LGALS3: variants seen among roughly 807,000 people sequenced by gnomAD.
LGALS3 encodes the protein galectin-3.
In LGALS3, 18 loss-of-function variants were observed where a neutral mutation model predicts 20.7. The observed-to-expected ratio is 0.87, with a 90% CI of 0.60 to 1.29. LGALS3 has a LOEUF of 1.29. LGALS3 is among the 50% of genes most tolerant of loss of function. LGALS3 has a pLI of 0.00. For synonymous variants in LGALS3, 112 were observed against 119.6 expected (o/e 0.94, Z 0.42); for missense variants, 315 against 314.7 (o/e 1.00, Z -0.01).
intron 3 of LGALS3, 166 bp downstream of exon 3, chr14:55,138,534 G>A (rs1325995002): frequency 5.1e-6 from 4 of 791,822 alleles, no homozygotes; most frequent in Non-Finnish European, 9.0e-6. Context: ...TGTGTGGTTA[G>A]TATAAACAGA....
At chr14:55,130,026 G>A (rs1285785042) in intron 1 of LGALS3, among the ~76,000 whole-genome samples, 1 of 152,204 alleles carries the variant, frequency 6.6e-6, no homozygotes, top group African/African-American at 2.4e-5. Context: ...TGGCCTGAGT[G>A]GGCATGACCC....
At chr14:55,136,386 T>G (rs779393038) in intron 1 of LGALS3, among the ~76,000 whole-genome samples, 11 of 152,156 alleles carry the variant, frequency 7.2e-5, no homozygotes, top group Non-Finnish European at 1.5e-4. Flanking sequence ...CTTTCCTTCT[T>G]AGAAGTAAGC....
At chr14:55,135,562 T>TG (rs1881366830) in intron 1 of LGALS3, among the ~76,000 whole-genome samples, 1 of 124,988 alleles carries the variant, frequency 8.0e-6, no homozygotes, top group African/African-American at 3.7e-5. Context: ...ATTTTATGGT[T>TG]TTTTTTTTTT....
At chr14:55,140,716 TG>T (rs1881592941) in intron 4 of LGALS3, among the ~76,000 whole-genome samples, 1 of 152,204 alleles carries the variant, frequency 6.6e-6, no homozygotes, top group South Asian at 2.1e-4. Context: ...GTTCTACAGA[TG>T]ATCAGTGGCA....
intron 1 of LGALS3, among the ~76,000 whole-genome samples, chr14:55,130,087 C>A (rs1402712499): frequency 1.3e-5 from 2 of 152,248 alleles, no homozygotes; most frequent in Non-Finnish European, 1.5e-5. Context: ...AATGCCCCTC[C>A]CTGCCCAGAC....
intron 2 of LGALS3, 149 bp downstream of exon 2, chr14:55,137,540 A>C: frequency 6.4e-7 from 1 of 1,566,970 alleles, no homozygotes; most frequent in South Asian, 1.2e-5. Context: ...TGCAAGCTGG[A>C]GCCTTGTTTT....
intron 1 of LGALS3, among the ~76,000 whole-genome samples, chr14:55,132,275 T>C (rs1411681810): frequency 1.3e-5 from 2 of 152,218 alleles, no homozygotes; most frequent in African/African-American, 4.8e-5. Context: ...CCAGCTAGTA[T>C]TTCTCTACTT....
intron 2 of LGALS3, chr14:55,137,645 T>C: frequency 7.0e-7 from 1 of 1,426,044 alleles, no homozygotes. Context: ...CGGAAGGGAG[T>C]GGACTCTGCC....
chr14:55,136,981 G>C (rs748185337), intron 1 of LGALS3, among the ~76,000 whole-genome samples: 4 of 152,178 alleles, frequency 2.6e-5, no homozygotes, highest in Non-Finnish European at 5.9e-5. Context: ...GCAGGCATAA[G>C]TGTGTGCAAA....
chr14:55,137,300 T>C, intron 1 of LGALS3, 70 bp from the exon 2 acceptor site: 1 of 1,379,426 alleles, frequency 7.2e-7, no homozygotes, highest in Admixed American at 1.7e-5. Flanking sequence ...AATGAACTAG[T>C]GGTGAGGTTC....
intron 5 of LGALS3, 116 bp downstream of exon 5, chr14:55,142,865 A>G (rs1459237909): frequency 1.9e-5 from 14 of 749,926 alleles, no homozygotes; most frequent in Non-Finnish European, 3.0e-5. Flanking sequence ...GTGCCTAACC[A>G]GTTTATCTTC....
rs908373386 is a variant in LGALS3 at position 55,137,201 on chromosome 14, G to A, written c.-4-169G>A. 6.1e-5 allele frequency: 44 copies of A among 724,100 alleles called. No individual in the cohort carries two copies. In the Middle Eastern group the frequency reaches 1.1e-3, roughly 19 times the overall value. The allele number at this position is 724,100 out of a possible 1,614,324, so 44.9% of individuals were successfully genotyped here. ...TTAAATAGGGTTTGGCAATCTAGCT[G>A]GATAGCATCCCTGCCCCTTGAAGAG... On this transcript the variant is annotated intron_variant, in intron 1 of 5. Transcript: ENST00000254301.
chr14:55,142,799 A>G (rs751402601), intron 5 of LGALS3, 50 bp downstream of exon 5: 3 of 1,467,508 alleles, frequency 2.0e-6, no homozygotes, highest in Admixed American at 3.5e-5. Context: ...TCTCATGAGG[A>G]ATCACTCTAA....
chr14:55,135,119 G>A (rs1881346041), intron 1 of LGALS3, among the ~76,000 whole-genome samples: 1 of 151,530 alleles, frequency 6.6e-6, no homozygotes, highest in African/African-American at 2.4e-5. Flanking sequence ...TCATGTCACT[G>A]CACTCCAGCC....
chr14:55,136,515 A>AT lies in LGALS3; in HGVS notation c.-4-846dup, dbSNP rs542713667. Among the ~76,000 whole-genome samples, 17 of 150,436 alleles carry AT rather than the reference A, an allele frequency of 1.1e-4. 1 individual carries two copies. The South Asian group carries it at 1.3e-3, about 11-fold the overall frequency. The stretch of plus-strand genomic sequence containing the variant: ...CTGCACTGTAGGCCCTTCGGCTTTT[A>AT]TTTTTTTTTAATTCTTAATCTTTAT... On this transcript the variant is annotated intron_variant, in intron 1 of 5. Transcript: ENST00000254301.
At chr14:55,136,538 T>C (rs1594651134) in intron 1 of LGALS3, among the ~76,000 whole-genome samples, 2 of 152,284 alleles carry the variant, frequency 1.3e-5, no homozygotes, top group South Asian at 4.2e-4. Context: ...TCTTAATCTT[T>C]ATGGGTACAT....
chr14:55,136,575 G>A (rs1881401578), intron 1 of LGALS3, among the ~76,000 whole-genome samples: 3 of 151,968 alleles, frequency 2.0e-5, no homozygotes, highest in Admixed American at 6.5e-5. Context: ...TATGGCATAC[G>A]TTAGATGTTT....
At chr14:55,132,062 A>C (rs1275557105) in intron 1 of LGALS3, among the ~76,000 whole-genome samples, 1 of 152,232 alleles carries the variant, frequency 6.6e-6, no homozygotes, top group East Asian at 1.9e-4. Flanking sequence ...ACATTTCAGA[A>C]GTGTTCCTGG....
intron 3 of LGALS3, 121 bp downstream of exon 3, chr14:55,138,489 A>G (rs1262435206): frequency 9.5e-7 from 1 of 1,056,476 alleles, no homozygotes; most frequent in Non-Finnish European, 1.5e-6. Context: ...ATGTTGGTAG[A>G]GTCAAAAAAT....
Sources: allele counts gnomAD v4.1 joint callset (sites outside exome capture counted in the v4.1 genomes callset), GRCh38; gene constraint gnomAD v4.1.1; transcripts MANE v1.5; gene names NCBI Gene and HGNC (gene_info 2026-07-23, HGNC 2026-07-21).